The following SND1 variants were observed in gnomAD, a reference collection of about 807,000 sequenced individuals.
The protein encoded by SND1 is staphylococcal nuclease domain-containing protein 1.
A neutral mutation model predicts 121.7 loss-of-function variants in SND1; 38 were observed. The ratio of observed to expected loss-of-function variants is 0.31; its 90% confidence interval spans 0.24 to 0.41. The LOEUF (loss-of-function observed/expected upper bound fraction) is 0.41. Among genes scored for constraint, SND1 ranks in the 10% least tolerant of loss-of-function variants. The pLI, the probability that SND1 is intolerant of heterozygous loss-of-function variation, is 1.00. For missense variants in SND1, 868 were observed against 1,184.6 expected (o/e 0.73, Z 3.92); for synonymous variants, 401 against 447.4 (o/e 0.90, Z 1.31).
At chr7:127,688,735 A>AT (rs1348098997) in intron 2 of SND1, among the ~76,000 whole-genome samples, 7 of 146,238 alleles carry the variant, frequency 4.8e-5, no homozygotes, top group African/African-American at 7.5e-5. Flanking sequence ...AAAAATAATA[A>AT]AAAAAAAAAA....
At chr7:128,004,060 A>G (rs1048434579) in intron 16 of SND1, among the ~76,000 whole-genome samples, 1 of 115,758 alleles carries the variant, frequency 8.6e-6, no homozygotes, top group African/African-American at 3.3e-5. Flanking sequence ...TTTTTGCCCT[A>G]TGTTTTGGCC....
chr7:127,751,145 G>GGTGT (rs142927273), intron 10 of SND1, among the ~76,000 whole-genome samples: 31 of 150,110 alleles, frequency 2.1e-4, no homozygotes, highest in South Asian at 6.3e-4. Context: ...TCCATGGTAG[G>GGTGT]GTGTGTGTGT....
intron 16 of SND1, among the ~76,000 whole-genome samples, chr7:128,056,052 G>A (rs1793136722): frequency 6.6e-6 from 1 of 152,148 alleles, no homozygotes; most frequent in Admixed American, 6.5e-5. Flanking sequence ...TAGTAAAATG[G>A]GACTTAAAAC....
intron 16 of SND1, among the ~76,000 whole-genome samples, chr7:128,070,207 T>C (rs368082799): frequency 6.6e-6 from 1 of 152,182 alleles, no homozygotes; most frequent in Admixed American, 6.5e-5. Flanking sequence ...CCCCTTCTTA[T>C]AGTCTCTCGG....
rs180794861 is a variant in SND1 at position 127,991,210 on chromosome 7, T to G, written c.1779+154T>G. Among the ~76,000 whole-genome samples the G allele has an allele frequency of 4.6e-5, 7 of 152,356 alleles. No homozygotes were observed. The East Asian group carries it at 1.4e-3, about 29-fold the overall frequency. On this transcript the variant is annotated intron_variant, in intron 16 of 23. Coordinates refer to ENST00000354725, the MANE Select transcript of SND1 (RefSeq NM_014390.4). ...TGTGTCTGCCCACATCTTATTTCCC[T>G]GAGCGCTGCTTCATTGGCCAGCCAC...
intron 12 of SND1, among the ~76,000 whole-genome samples, chr7:127,856,283 T>C (rs1799272051): frequency 6.6e-6 from 1 of 152,232 alleles, no homozygotes; most frequent in South Asian, 2.1e-4. Flanking sequence ...TCCCTGGGTA[T>C]GCTAGCTATC....
chr7:127,746,747 T>C (rs1276141996), intron 10 of SND1, among the ~76,000 whole-genome samples: 3 of 152,202 alleles, frequency 2.0e-5, no homozygotes, highest in African/African-American at 7.2e-5. Flanking sequence ...AACTGATGTC[T>C]GGCCTTTGTA....
At chr7:128,006,243 C>T (rs934979881) in intron 16 of SND1, among the ~76,000 whole-genome samples, 8 of 151,504 alleles carry the variant, frequency 5.3e-5, no homozygotes, top group South Asian at 2.1e-4. Context: ...TGCGTGCGTG[C>T]GTGTGTGTGT....
At chr7:127,764,038 C>CAAAA (rs60053474) in intron 10 of SND1, among the ~76,000 whole-genome samples, 65 of 76,442 alleles carry the variant, frequency 8.5e-4, no homozygotes, top group Admixed American at 1.3e-3. Flanking sequence ...GACCCTGTCG[C>CAAAA]AAAAAAAAAA....
At chr7:127,883,860 A>G (rs995658479) in intron 12 of SND1, among the ~76,000 whole-genome samples, 4 of 152,162 alleles carry the variant, frequency 2.6e-5, no homozygotes, top group African/African-American at 9.6e-5. Flanking sequence ...CTTCATGACC[A>G]TAAAGTTAAG....
intron 12 of SND1, among the ~76,000 whole-genome samples, chr7:127,861,498 A>G (rs1321005656): frequency 6.6e-6 from 1 of 152,138 alleles, no homozygotes; most frequent in Admixed American, 6.5e-5. Flanking sequence ...TTTTTGAGAC[A>G]GAGTCTCACT....
intron 1 of SND1, among the ~76,000 whole-genome samples, chr7:127,656,657 G>A (rs994817144): frequency 9.9e-5 from 15 of 152,194 alleles, no homozygotes. Context: ...GGACAGAGAA[G>A]TTTGTTGACC....
chr7:127,968,807 G>A (rs191257986), intron 15 of SND1, among the ~76,000 whole-genome samples: 1 of 152,284 alleles, frequency 6.6e-6, no homozygotes, highest in East Asian at 1.9e-4. Flanking sequence ...CCTGAACTGG[G>A]CTGTGGTTCT....
chr7:127,956,459 T>TA (rs1474769713), intron 15 of SND1, among the ~76,000 whole-genome samples: 3 of 152,204 alleles, frequency 2.0e-5, no homozygotes, highest in Non-Finnish European at 2.9e-5. Flanking sequence ...TAACTCTCTT[T>TA]AGCTCACTCC....
Position 127,788,717 on chromosome 7 carries a change from C to A in SND1, c.1153-18767C>A, listed in dbSNP as rs77087772. ...TTGTCATATCTTCCTTCTTCAAATT[C>A]TCTTCTCTTTGGGATCACTGGTGCC... On this transcript the variant is annotated intron_variant, in intron 10 of 23. Transcript: ENST00000354725. Among the ~76,000 whole-genome samples the A allele has an allele frequency of 4.3e-3, 659 of 152,264 alleles. 7 individuals are homozygous for A. Among genetic ancestry groups the A allele is most frequent in the African/African-American group, 0.015 (633 of 41,542 alleles).
chr7:128,053,882 C>T (rs1793090710), intron 16 of SND1, among the ~76,000 whole-genome samples: 2 of 152,184 alleles, frequency 1.3e-5, no homozygotes, highest in African/African-American at 4.8e-5. Context: ...CTGAGCTTTT[C>T]CCCGACCCCA....
chr7:128,087,120 A>C, intron 21 of SND1, 69 bp downstream of exon 21: 1 of 1,154,400 alleles, frequency 8.7e-7, no homozygotes, highest in Non-Finnish European at 1.3e-6. Flanking sequence ...AGCAGCCCTC[A>C]TGGGCTGACA....
At chr7:127,701,862 C>T (rs1371391221) in intron 5 of SND1, among the ~76,000 whole-genome samples, 4 of 152,198 alleles carry the variant, frequency 2.6e-5, no homozygotes, top group African/African-American at 4.8e-5. Flanking sequence ...AGTGCCTATA[C>T]ACCACTTCAT....
chr7:128,057,424 T>G (rs1793161055), intron 16 of SND1, among the ~76,000 whole-genome samples: 1 of 152,222 alleles, frequency 6.6e-6, no homozygotes, highest in East Asian at 1.9e-4. Context: ...AGTTTGCTTC[T>G]TTCTCATAGG....
Sources: allele counts gnomAD v4.1 joint callset (sites outside exome capture counted in the v4.1 genomes callset), GRCh38; gene constraint gnomAD v4.1.1; transcripts MANE v1.5; gene names NCBI Gene and HGNC (gene_info 2026-07-23, HGNC 2026-07-21).